Variants in CSNK1G1 observed in about 807,000 individuals in gnomAD.
CSNK1G1 encodes the protein casein kinase 1 gamma 1.
Under a neutral mutation model 59.6 loss-of-function variants are expected in CSNK1G1, and 22 were observed. That is an observed-to-expected ratio of 0.37 (90% CI 0.26 to 0.53). The LOEUF is 0.53. Ranked by LOEUF, CSNK1G1 falls within the 20% of genes least tolerant of loss-of-function variation. The probability of loss-of-function intolerance (pLI) is 0.89; values close to 1 mark genes in which losing one functional copy is unlikely to be tolerated. For missense variants in CSNK1G1, 384 were observed against 519.5 expected (o/e 0.74, Z 2.54); for synonymous variants, 179 against 177.1 (o/e 1.01, Z -0.08).
intron 5 of CSNK1G1, among the ~76,000 whole-genome samples, chr15:64,215,204 C>CTTT (rs11343127): frequency 8.6e-5 from 7 of 81,728 alleles, no homozygotes; most frequent in Non-Finnish European, 1.5e-4. Flanking sequence ...TTTCTACTAA[C>CTTT]TTTTTTTTTT....
rs147150940 is a variant in CSNK1G1, at chr15:64,280,161, C to T, written c.181+20158G>A. ...AAAAAGAAGTACACGTATATACGCGCGCACACACACACATAAAGGTTTCAG... is the reference window on the plus strand; with the variant it reads ...AAAAAGAAGTACACGTATATACGCGTGCACACACACACATAAAGGTTTCAG... On this transcript the variant is annotated intron_variant, in intron 2 of 11. Transcript: ENST00000303052. Among the ~76,000 whole-genome samples the T allele has an allele frequency of 4.8e-3, 725 of 152,150 alleles. 6 individuals carry two copies. Among genetic ancestry groups the T allele is most frequent in the African/African-American group, 0.016 (673 of 41,490 alleles).
At chr15:64,350,880 T>A (rs1374684370) in intron 1 of CSNK1G1, among the ~76,000 whole-genome samples, 1 of 152,088 alleles carries the variant, frequency 6.6e-6, no homozygotes, top group Admixed American at 6.6e-5. Flanking sequence ...CAACTTAAAA[T>A]GGTAATTCTG....
At position 64,268,938 on chromosome 15, in the gene CSNK1G1, C is replaced by G. The variant is rs1326976678; in HGVS notation, c.182-9697G>C. Among the ~76,000 whole-genome samples the G allele has an allele frequency of 2.0e-5, 3 of 152,124 alleles. No individual in the cohort carries two copies. The East Asian group carries it at 5.8e-4, about 29-fold the overall frequency. ...ATCAACAATGCAGTACAAAAGTGCT[C>G]AAGGAGCCTGCTATATTTGTTTTTG... On this transcript the variant is annotated intron_variant, in intron 2 of 11. Coordinates refer to ENST00000303052, the MANE Select transcript of CSNK1G1 (RefSeq NM_022048.5).
chr15:64,352,493 C>G (rs2140497077), intron 1 of CSNK1G1, among the ~76,000 whole-genome samples: 1 of 110,994 alleles, frequency 9.0e-6, no homozygotes, highest in South Asian at 3.0e-4. Flanking sequence ...CTTGCCCAGG[C>G]TGGAGTGAAT....
At position 64,214,891 on chromosome 15, in the gene CSNK1G1, G is replaced by A. The variant is rs922047525; in HGVS notation, c.445-767C>T. Among the ~76,000 whole-genome samples, 4 of 151,348 alleles carry A rather than the reference G, an allele frequency of 2.6e-5. No homozygotes were observed. The highest frequency in any genetic ancestry group is 2.9e-5 in the Non-Finnish European group (2 of 67,876). On this transcript the variant is annotated intron_variant, in intron 5 of 11. Coordinates refer to ENST00000303052, the MANE Select transcript of CSNK1G1 (RefSeq NM_022048.5). The surrounding 1 kb of genome is among the most constrained non-coding windows in gnomAD (Gnocchi z 4.3). ...TGACCTTGGGTGATCCGTCCTCCTC[G>A]GCCTCCCAAAATGCTAGGATTACAG...
At chr15:64,307,550 TTTAGTATACACTAC>T (rs1394037508) in intron 1 of CSNK1G1, among the ~76,000 whole-genome samples, 1 of 152,104 alleles carries the variant, frequency 6.6e-6, no homozygotes, top group Admixed American at 6.5e-5. Flanking sequence ...CCTGTCTCTA[TTTAGTATACACTAC>T]TGTATTTCAT....
At chr15:64,211,752 A>G (rs1031091175) in intron 6 of CSNK1G1, among the ~76,000 whole-genome samples, 1 of 152,240 alleles carries the variant, frequency 6.6e-6, no homozygotes, top group African/African-American at 2.4e-5. Context: ...TCAAAATTAC[A>G]TAGCTATTAA....
intron 6 of CSNK1G1, among the ~76,000 whole-genome samples, chr15:64,209,059 G>C (rs1172625645): frequency 6.6e-6 from 1 of 151,832 alleles, no homozygotes; most frequent in Non-Finnish European, 1.5e-5. Flanking sequence ...GCTACTTTTT[G>C]TATTTTTTAT....
At chr15:64,233,106 A>C (rs1476355282) in intron 4 of CSNK1G1, among the ~76,000 whole-genome samples, 1 of 152,228 alleles carries the variant, frequency 6.6e-6, no homozygotes, top group East Asian at 1.9e-4. Flanking sequence ...CCTTTAAAAG[A>C]AAACAAAATC....
chr15:64,308,529 TATG>T (rs1474769830), intron 1 of CSNK1G1, among the ~76,000 whole-genome samples: 4 of 152,226 alleles, frequency 2.6e-5, no homozygotes, highest in Non-Finnish European at 4.4e-5. Flanking sequence ...GTACTCATTC[TATG>T]ATTTCATCAA....
chr15:64,348,584 T>C (rs1480460933), intron 1 of CSNK1G1, among the ~76,000 whole-genome samples: 1 of 152,162 alleles, frequency 6.6e-6, no homozygotes, highest in African/African-American at 2.4e-5. Flanking sequence ...AATTAAGAGA[T>C]TTTAATCCTC....
At position 64,171,700 on chromosome 15, in the gene CSNK1G1, G is replaced by T; in HGVS notation, c.*231C>A. 1 of 579,444 alleles carries T rather than the reference G, an allele frequency of 1.7e-6. No individual in the cohort carries two copies. The highest frequency in any genetic ancestry group is 3.1e-6 in the Non-Finnish European group (1 of 324,754). The allele number at this position is 579,444 out of a possible 1,614,324, so 35.9% of individuals were successfully genotyped here. A position where few individuals can be genotyped will look rare whatever the true frequency, so the allele number is the denominator to read the frequency against. ...GGCAGCCCTATGGGCAAGCAGTGGA[G>T]GAACAGCAGCTCTGGGACCTGCTCA... On this transcript the variant is annotated 3_prime_UTR_variant, in exon 12 of 12. Transcript: ENST00000303052. The surrounding 1 kb of genome is among the most constrained non-coding windows in gnomAD (Gnocchi z 4.8).
At chr15:64,349,065 A>G (rs915924933) in intron 1 of CSNK1G1, among the ~76,000 whole-genome samples, 2 of 150,840 alleles carry the variant, frequency 1.3e-5, no homozygotes, top group Non-Finnish European at 1.5e-5. Flanking sequence ...TGAACCCGGA[A>G]TGTGGAGGTT....
intron 4 of CSNK1G1, among the ~76,000 whole-genome samples, chr15:64,246,362 CT>C (rs544175583): frequency 1.3e-5 from 2 of 152,116 alleles, no homozygotes; most frequent in Non-Finnish European, 2.9e-5. Context: ...TGGTTCATGC[CT>C]GTGATCCCAG....
At chr15:64,283,436 G>C (rs146996788) in intron 2 of CSNK1G1, among the ~76,000 whole-genome samples, 1 of 151,542 alleles carries the variant, frequency 6.6e-6, no homozygotes, top group Admixed American at 6.6e-5. Flanking sequence ...TCTGCCTCCC[G>C]GGTTCATGCA....
intron 10 of CSNK1G1, chr15:64,181,957 AG>A (rs1199758472): frequency 6.6e-6 from 1 of 152,354 alleles, no homozygotes; most frequent in Non-Finnish European, 1.5e-5. Context: ...TAGTACACGT[AG>A]CCTTTGGGAC....
chr15:64,317,801 T>C (rs923363824), intron 1 of CSNK1G1, among the ~76,000 whole-genome samples: 9 of 152,204 alleles, frequency 5.9e-5, no homozygotes, highest in African/African-American at 1.9e-4. Context: ...TTCAGCCTCA[T>C]GTCTGTTTTT....
intron 4 of CSNK1G1, among the ~76,000 whole-genome samples, chr15:64,244,933 C>T (rs931454013): frequency 6.6e-6 from 1 of 152,086 alleles, no homozygotes; most frequent in Admixed American, 6.6e-5. Context: ...CTGGCATAAA[C>T]AGACAAAGAG....
At chr15:64,307,578 CATAT>C (rs201425971) in intron 1 of CSNK1G1, among the ~76,000 whole-genome samples, 1 of 151,980 alleles carries the variant, frequency 6.6e-6, no homozygotes, top group Non-Finnish European at 1.5e-5. Flanking sequence ...ATTTCATGTA[CATAT>C]ATATATACAT....
Sources: allele counts gnomAD v4.1 joint callset (sites outside exome capture counted in the v4.1 genomes callset), GRCh38; gene constraint gnomAD v4.1.1; non-coding constraint Gnocchi (gnomAD v3.1); transcripts MANE v1.5; gene names NCBI Gene and HGNC (gene_info 2026-07-23, HGNC 2026-07-21).